ZSWIM5: variants seen among roughly 807,000 people sequenced by gnomAD.
ZSWIM5 encodes zinc finger SWIM-type containing 5.
ZSWIM5 carries 55 observed loss-of-function variants against 119.6 expected under a neutral mutation model. That is an observed-to-expected ratio of 0.46 (90% CI 0.37 to 0.58). ZSWIM5 has a LOEUF of 0.58. Among genes scored for constraint, ZSWIM5 ranks in the 20% least tolerant of loss-of-function variants. The pLI is 0.00. For synonymous variants in ZSWIM5, 537 were observed against 606.9 expected (o/e 0.88, Z 1.69); for missense variants, 1,193 against 1,512.8 (o/e 0.79, Z 3.51).
chr1:45,039,912 G>C (rs925374547), intron 7 of ZSWIM5, among the ~76,000 whole-genome samples: 1 of 151,952 alleles, frequency 6.6e-6, no homozygotes, highest in African/African-American at 2.4e-5. Flanking sequence ...CTCCATGTTG[G>C]TCAGGCTGGT....
chr1:45,184,920 A>G (rs1270250446), intron 1 of ZSWIM5, among the ~76,000 whole-genome samples: 9 of 152,134 alleles, frequency 5.9e-5, no homozygotes. Context: ...ATATGGAACC[A>G]AAAAAGAGCC....
chr1:45,193,746 T>A (rs557761464), intron 1 of ZSWIM5, among the ~76,000 whole-genome samples: 1 of 152,128 alleles, frequency 6.6e-6, no homozygotes. Context: ...TAATAGTGAA[T>A]ATTTACATAG....
At chr1:45,039,710 A>T (rs116613723) in intron 7 of ZSWIM5, among the ~76,000 whole-genome samples, 2,266 of 150,994 alleles carry the variant, frequency 0.015, 66 homozygotes, top group African/African-American at 0.053. Context: ...AATTTAATTA[A>T]TTATTTATTT....
intron 1 of ZSWIM5, among the ~76,000 whole-genome samples, chr1:45,197,794 C>T (rs1646135051): frequency 6.6e-6 from 1 of 152,118 alleles, no homozygotes; most frequent in Non-Finnish European, 1.5e-5. Flanking sequence ...AAGGATAAGA[C>T]ATTAGTTTGA....
At chr1:45,183,865 T>G (rs967341683) in intron 1 of ZSWIM5, among the ~76,000 whole-genome samples, 1 of 151,950 alleles carries the variant, frequency 6.6e-6, no homozygotes, top group African/African-American at 2.4e-5. Flanking sequence ...TTCCAATCAA[T>G]AGAAAAAGAG....
intron 1 of ZSWIM5, among the ~76,000 whole-genome samples, chr1:45,135,737 A>G (rs976814655): frequency 2.0e-5 from 3 of 152,248 alleles, no homozygotes; most frequent in Non-Finnish European, 4.4e-5. Flanking sequence ...CATTATCAGA[A>G]CAAACCAATT....
intron 11 of ZSWIM5, among the ~76,000 whole-genome samples, chr1:45,028,906 G>T (rs1409282355): frequency 1.3e-5 from 2 of 152,130 alleles, no homozygotes; most frequent in East Asian, 3.8e-4. Flanking sequence ...AACATAGGAA[G>T]ACCTCGTCTC....
At chr1:45,080,738 T>C (rs1030534651) in intron 2 of ZSWIM5, among the ~76,000 whole-genome samples, 4 of 152,174 alleles carry the variant, frequency 2.6e-5, no homozygotes. Context: ...TTCCTCAATC[T>C]TTCTTTCTGG....
intron 1 of ZSWIM5, among the ~76,000 whole-genome samples, chr1:45,164,663 A>T (rs1645889238): frequency 6.6e-6 from 1 of 152,156 alleles, no homozygotes; most frequent in Non-Finnish European, 1.5e-5. Flanking sequence ...CAGGAGTTGC[A>T]ATCCTAGTCT....
intron 1 of ZSWIM5, among the ~76,000 whole-genome samples, chr1:45,195,800 C>T (rs1344646180): frequency 6.6e-6 from 1 of 151,364 alleles, no homozygotes; most frequent in East Asian, 1.9e-4. Context: ...ATAAAGATTA[C>T]ATAATGTTTT....
chr1:45,097,494 A>T (rs1645410488), intron 1 of ZSWIM5, among the ~76,000 whole-genome samples: 1 of 152,192 alleles, frequency 6.6e-6, no homozygotes, highest in African/African-American at 2.4e-5. Context: ...ACTCAAAATG[A>T]AGTAGTAAAG....
In ZSWIM5 at chr1:45,205,988, G is replaced by A; in HGVS notation, c.363C>T (p.Pro121=). 1 of 1,454,844 alleles carries A rather than the reference G, an allele frequency of 6.9e-7. No homozygotes were observed. 90.1% of individuals were successfully genotyped at this position (1,454,844 alleles called of 1,614,324 possible). A position where few individuals can be genotyped will look rare whatever the true frequency, so the allele number is the denominator to read the frequency against. The part of the protein sequence containing the change: ...MYSSFQYRGG[P]GAGAAGGAAG... ...CGGCGCCGCCAGCAGCGCCGGCGCC[G>A]GGGCCGCCCCGGTACTGGAAGCTGG... is the stretch of plus-strand genomic sequence containing the variant. Residue 121 remains proline, a synonymous_variant, in exon 1 of 14, where the codon CCC becomes CCT. Transcript: ENST00000359600.
Position 45,089,962 on chromosome 1 carries a change from A to T in ZSWIM5, c.596-1725T>A, listed in dbSNP as rs569907552. On this transcript the variant is annotated intron_variant, in intron 1 of 13. Transcript: ENST00000359600. ...TTCACAGACTTTCCTGTTTATCTGG[A>T]CTACACACTGTGAACAGGAAAGCTA... Among the ~76,000 whole-genome samples, 10 of 152,226 alleles carry T rather than the reference A, an allele frequency of 6.6e-5. No individual in the cohort carries two copies. In the East Asian group the frequency reaches 1.7e-3, roughly 26 times the overall value.
At chr1:45,133,850 C>T (rs1375980370) in intron 1 of ZSWIM5, among the ~76,000 whole-genome samples, 5 of 151,850 alleles carry the variant, frequency 3.3e-5, no homozygotes, top group Non-Finnish European at 7.4e-5. Flanking sequence ...TTTCCCAGCA[C>T]CGTTTATTAA....
chr1:45,139,685 C>T (rs1645715293), intron 1 of ZSWIM5, among the ~76,000 whole-genome samples: 2 of 146,060 alleles, frequency 1.4e-5, no homozygotes, highest in South Asian at 2.2e-4. Flanking sequence ...CCTTCTTTTG[C>T]TTTCTTCGAT....
Position 45,021,380 on chromosome 1 carries a change from G to A in ZSWIM5, c.2450-592C>T, listed in dbSNP as rs574945856. ...ACAGTAGACAGAAAGTCACATTACT[G>A]CCAAAAAAGAACGGCAGTCCCACTG... is the stretch of plus-strand genomic sequence containing the variant. On this transcript the variant is annotated intron_variant, in intron 11 of 13. Coordinates refer to ENST00000359600, the MANE Select transcript of ZSWIM5 (RefSeq NM_020883.2). Among the ~76,000 whole-genome samples, 11 of 152,248 alleles carry A rather than the reference G, an allele frequency of 7.2e-5. 1 individual carries two copies. In the South Asian group the frequency reaches 2.1e-3, roughly 29 times the overall value.
chr1:45,025,900 C>T (rs1403700597), intron 11 of ZSWIM5, among the ~76,000 whole-genome samples: 1 of 152,084 alleles, frequency 6.6e-6, no homozygotes, highest in Non-Finnish European at 1.5e-5. Flanking sequence ...TCATTTATTT[C>T]CTTTTCCTAT....
intron 1 of ZSWIM5, among the ~76,000 whole-genome samples, chr1:45,089,524 T>C (rs1188528753): frequency 2.0e-5 from 3 of 152,246 alleles, no homozygotes; most frequent in Non-Finnish European, 4.4e-5. Flanking sequence ...GTATGTAAAC[T>C]GAGGTTCAGA....
At chr1:45,187,766 T>C (rs536105673) in intron 1 of ZSWIM5, among the ~76,000 whole-genome samples, 1 of 152,124 alleles carries the variant, frequency 6.6e-6, no homozygotes, top group East Asian at 1.9e-4. Flanking sequence ...AAAATCCAAT[T>C]TAAAAATGGG....
Sources: allele counts gnomAD v4.1 joint callset (sites outside exome capture counted in the v4.1 genomes callset), GRCh38; gene constraint gnomAD v4.1.1; transcripts MANE v1.5; gene names NCBI Gene and HGNC (gene_info 2026-07-23, HGNC 2026-07-21).